Variants in ZBTB37 observed in about 807,000 individuals in gnomAD.
ZBTB37 encodes the protein zinc finger and BTB domain containing 37.
ZBTB37 carries 15 observed loss-of-function variants against 37.7 expected under a neutral mutation model. That is an observed-to-expected ratio of 0.40 (90% CI 0.27 to 0.61). The LOEUF (loss-of-function observed/expected upper bound fraction) is 0.61, where lower values mean the gene tolerates loss of function less well. Ranked by LOEUF, ZBTB37 falls within the 20% of genes least tolerant of loss-of-function variation. The probability of loss-of-function intolerance (pLI) is 0.44; values close to 1 mark genes in which losing one functional copy is unlikely to be tolerated. For synonymous variants in ZBTB37, 231 were observed against 220.6 expected (o/e 1.05, Z -0.42); for missense variants, 514 against 641.9 (o/e 0.80, Z 2.15).
At chr1:173,870,172 A>G in intron 2 of ZBTB37, 28 bp from the exon 3 acceptor site, 1 of 1,390,306 alleles carries the variant, frequency 7.2e-7, no homozygotes, top group Non-Finnish European at 9.6e-7. Context: ...ATAATTATTA[A>G]TGAGAATATG....
chr1:173,892,281 A>G (rs1395326494), exon 4 of ZBTB37: 1 of 152,206 alleles, frequency 6.6e-6, no homozygotes, highest in Non-Finnish European at 1.5e-5. Flanking sequence ...TTAAATATGC[A>G]TCTATTGAAA....
chr1:173,900,605 AC>A (rs1160832661), exon 4 of ZBTB37: 1 of 152,226 alleles, frequency 6.6e-6, no homozygotes, highest in African/African-American at 2.4e-5. Flanking sequence ...TATATTGCTT[AC>A]AAGTACGTGG....
rs1400308445 is a variant in ZBTB37, at chr1:173,875,114, TTATGTGTGTGTG to T, written c.1023+1550_1023+1561del. 4.3e-5 allele frequency among the ~76,000 whole-genome samples: 4 copies of T among 93,384 alleles called. No homozygotes were observed. The South Asian group carries it at 1.3e-3, about 29-fold the overall frequency. 61.3% of individuals were successfully genotyped at this position (93,384 alleles called of 152,430 possible). On this transcript the variant is annotated intron_variant, in intron 4 of 4. Coordinates refer to ENST00000427304, the Ensembl canonical transcript of ZBTB37. ...GGACCTGGAATCGAAAGTCTGATTA[TTATGTGTGTGTG>T]TGTGTGTGTGTGTGTGTGTGTGTGT...
At chr1:173,896,777 A>G (rs1424034690) in exon 4 of ZBTB37, 3 of 152,204 alleles carry the variant, frequency 2.0e-5, no homozygotes, top group Non-Finnish European at 4.4e-5. Context: ...TTTCCTATAA[A>G]GTAATAGAAT....
At chr1:173,885,594 T>A (rs1236625685) in intron 4 of ZBTB37, 42 bp from the exon 5 acceptor site, 1 of 1,452,084 alleles carries the variant, frequency 6.9e-7, no homozygotes, top group Non-Finnish European at 9.3e-7. Flanking sequence ...GTATGCTTAA[T>A]AATATTTGTT....
chr1:173,876,608 G>A (rs1272842944), intron 4 of ZBTB37, among the ~76,000 whole-genome samples: 1 of 152,134 alleles, frequency 6.6e-6, no homozygotes, highest in Non-Finnish European at 1.5e-5. Flanking sequence ...ATGAGCCACC[G>A]TACCCAGCCT....
In ZBTB37 at chr1:173,869,117, A is replaced by G. The variant is rs1421894182; in HGVS notation, c.-33A>G. On this transcript the variant is annotated 5_prime_UTR_variant, in exon 2 of 5. Transcript: ENST00000427304. ...CAAAACAAACAATAACGCTTTGGAAAAAGGTCAGATTGGCTAAAGTTGATT... is the reference window on the plus strand; with the variant it reads ...CAAAACAAACAATAACGCTTTGGAAGAAGGTCAGATTGGCTAAAGTTGATT... 2 of 152,674 alleles carry G rather than the reference A, an allele frequency of 1.3e-5. 1 individual carries two copies. Among genetic ancestry groups the G allele is most frequent in the African/African-American group, 4.8e-5 (2 of 41,472 alleles). 9.5% of individuals were successfully genotyped at this position (152,674 alleles called of 1,614,324 possible).
exon 4 of ZBTB37, chr1:173,902,080 C>T (rs1179864625): frequency 1.3e-5 from 2 of 152,180 alleles, no homozygotes; most frequent in Admixed American, 1.3e-4. Flanking sequence ...GTTAATGTAG[C>T]ATTTACTTCT....
intron 4 of ZBTB37, among the ~76,000 whole-genome samples, chr1:173,880,146 G>A (rs1187133995): frequency 6.6e-6 from 1 of 152,126 alleles, no homozygotes; most frequent in Non-Finnish European, 1.5e-5. Flanking sequence ...GAGAGACCAC[G>A]TTTTCTTATC....
At chr1:173,873,347 T>G in intron 3 of ZBTB37, 120 bp from the exon 4 acceptor site, 1 of 974,608 alleles carries the variant, frequency 1.0e-6, no homozygotes, top group Non-Finnish European at 1.5e-6. Flanking sequence ...TCCTCAGTTA[T>G]TTGTTGCTTG....
At chr1:173,879,013 C>T (rs1198173606) in intron 4 of ZBTB37, among the ~76,000 whole-genome samples, 1 of 151,762 alleles carries the variant, frequency 6.6e-6, no homozygotes, top group Non-Finnish European at 1.5e-5. Flanking sequence ...ATCGTTTGAA[C>T]CCGGGAGGTG....
At chr1:173,868,205 C>T, upstream of ZBTB37, 1 of 154,334 alleles carries the variant, frequency 6.5e-6, no homozygotes, top group Non-Finnish European at 1.4e-5. Context: ...TGCCGTGCTC[C>T]CGCCCTCCTC....
chr1:173,872,522 A>G (rs1018717765), intron 3 of ZBTB37, among the ~76,000 whole-genome samples: 5 of 151,744 alleles, frequency 3.3e-5, no homozygotes, highest in African/African-American at 1.2e-4. Flanking sequence ...TGATTTGAGT[A>G]TTGTCTTCCT....
intron 3 of ZBTB37, among the ~76,000 whole-genome samples, chr1:173,873,202 A>G (rs1655688872): frequency 6.6e-6 from 1 of 152,192 alleles, no homozygotes; most frequent in Non-Finnish European, 1.5e-5. Context: ...TATTTATATA[A>G]GGAAGAAAGC....
chr1:173,887,390 C>T (rs1656669983), downstream of ZBTB37: 1 of 152,174 alleles, frequency 6.6e-6, no homozygotes, highest in South Asian at 2.1e-4. Flanking sequence ...TAATATACTA[C>T]AGGGCACTTA....
chr1:173,878,653 A>G (rs1334601256), intron 4 of ZBTB37, among the ~76,000 whole-genome samples: 1 of 107,872 alleles, frequency 9.3e-6, no homozygotes. Flanking sequence ...TCATAAATTC[A>G]AGATTTCACA....
exon 4 of ZBTB37, chr1:173,896,306 C>G (rs1403386662): frequency 6.6e-6 from 1 of 152,110 alleles, no homozygotes; most frequent in African/African-American, 2.4e-5. Flanking sequence ...TTAAAACTTT[C>G]TTTTGGATTC....
At chr1:173,898,683 T>A (rs1657148516) in exon 4 of ZBTB37, 1 of 152,234 alleles carries the variant, frequency 6.6e-6, no homozygotes, top group Non-Finnish European at 1.5e-5. Context: ...GTCAGAAAGT[T>A]GTTTCAATAG....
exon 5 of ZBTB37, chr1:173,886,433 C>T: frequency 6.1e-6 from 2 of 329,270 alleles, no homozygotes; most frequent in Non-Finnish European, 5.7e-6. Flanking sequence ...GATAAATGGT[C>T]ATTTATCTAT....
Sources: allele counts gnomAD v4.1 joint callset (sites outside exome capture counted in the v4.1 genomes callset), GRCh38; gene constraint gnomAD v4.1.1; transcripts MANE v1.5; gene names NCBI Gene and HGNC (gene_info 2026-07-23, HGNC 2026-07-21).